Variants in KCND2 observed in about 807,000 individuals in gnomAD.
The protein encoded by KCND2 is potassium voltage-gated channel subfamily D member 2, also known as A-type voltage-gated potassium channel KCND2.
KCND2 carries 16 observed loss-of-function variants against 54.4 expected under a neutral mutation model. That is an observed-to-expected ratio of 0.29 (90% confidence interval 0.20 to 0.45). KCND2 has a LOEUF of 0.45. Ranked by LOEUF, KCND2 falls within the 20% of genes least tolerant of loss-of-function variation. The probability of loss-of-function intolerance (pLI) is 1.00; values close to 1 mark genes in which losing one functional copy is unlikely to be tolerated. For synonymous variants in KCND2, 317 were observed against 310.7 expected, an observed-to-expected ratio of 1.02 and a Z score of -0.21; for missense variants, 486 against 824.2, an observed-to-expected ratio of 0.59 and a Z score of 5.02.
At chr7:120,684,202 T>C (rs1049231448) in intron 1 of KCND2, among the ~76,000 whole-genome samples, 37 of 152,158 alleles carry the variant, frequency 2.4e-4, no homozygotes, top group African/African-American at 8.2e-4. Flanking sequence ...AGTGTGGCGT[T>C]ATTCCTGGGG....
chr7:120,289,414 G>A (rs890143510), intron 1 of KCND2, among the ~76,000 whole-genome samples: 13 of 151,950 alleles, frequency 8.6e-5, no homozygotes, highest in Non-Finnish European at 1.6e-4. Flanking sequence ...ACAAAATCAA[G>A]CAAACACTTT....
chr7:120,319,299 G>A (rs758368620), intron 1 of KCND2, among the ~76,000 whole-genome samples: 9 of 151,876 alleles, frequency 5.9e-5, no homozygotes, highest in Non-Finnish European at 1.0e-4. Context: ...AGCTATGGAG[G>A]TACTTTTTAT....
Position 120,745,832 on chromosome 7 carries a change from C to CAAA in KCND2, c.1522_1523insAAA (p.Ala507_Thr508insLys), listed in dbSNP as rs774240428. On this transcript the variant is annotated inframe_insertion, in exon 5 of 6. Transcript: ENST00000331113. ...TTTGAAGAAAGCTGCATGGAAGTTG[C>CAAA]AACTGTTAATCGTCCTTCAAGTCAC... 1.4e-5 allele frequency: 23 copies of CAAA among 1,613,538 alleles called. No homozygotes were observed. In the African/African-American group the frequency reaches 2.4e-4, roughly 17 times the overall value.
At chr7:120,663,959 A>G (rs1445311689) in intron 1 of KCND2, among the ~76,000 whole-genome samples, 1 of 150,342 alleles carries the variant, frequency 6.7e-6, no homozygotes, top group East Asian at 1.9e-4. Flanking sequence ...ATAGGAGAAA[A>G]GAGGTCTAAG....
intron 1 of KCND2, among the ~76,000 whole-genome samples, chr7:120,565,815 G>A (rs1792289613): frequency 6.6e-6 from 1 of 152,110 alleles, no homozygotes. Context: ...TCTAGACTTG[G>A]GAAATACAAG....
rs560208029 is a variant in KCND2, at chr7:120,473,928, A to G, written c.1115+198181A>G. On this transcript the variant is annotated intron_variant, in intron 1 of 5. Transcript: ENST00000331113. ...GAGTCATGGGAGGAATCAGCAACTTAGGACTTCAGGGTAGTGTTCTTTATC... is the reference window on the plus strand; with the variant it reads ...GAGTCATGGGAGGAATCAGCAACTTGGGACTTCAGGGTAGTGTTCTTTATC... Among the ~76,000 whole-genome samples the G allele has an allele frequency of 2.8e-4, 43 of 152,294 alleles. 1 individual carries two copies. The South Asian group carries it at 8.7e-3, about 31-fold the overall frequency.
intron 1 of KCND2, among the ~76,000 whole-genome samples, chr7:120,304,469 C>T (rs973550111): frequency 2.6e-5 from 4 of 152,134 alleles, no homozygotes; most frequent in East Asian, 1.9e-4. Context: ...GCCTCCATGC[C>T]GGCAGCATTG....
At chr7:120,538,963 G>A (rs540034536) in intron 1 of KCND2, among the ~76,000 whole-genome samples, 1 of 152,212 alleles carries the variant, frequency 6.6e-6, no homozygotes, top group East Asian at 1.9e-4. Flanking sequence ...AGAAAATGGT[G>A]CTCATTAGTC....
intron 1 of KCND2, among the ~76,000 whole-genome samples, chr7:120,440,493 T>C (rs1206648402): frequency 6.6e-6 from 1 of 152,136 alleles, no homozygotes; most frequent in Non-Finnish European, 1.5e-5. Context: ...TTTAGTTTGG[T>C]GTAATCCCAT....
At chr7:120,390,875 A>G (rs566557557) in intron 1 of KCND2, among the ~76,000 whole-genome samples, 1 of 152,126 alleles carries the variant, frequency 6.6e-6, no homozygotes, top group Admixed American at 6.6e-5. Context: ...GTTATGGCAA[A>G]CAGAAAGTTT....
intron 1 of KCND2, among the ~76,000 whole-genome samples, chr7:120,576,599 C>A (rs183775397): frequency 3.0e-4 from 46 of 152,184 alleles, no homozygotes; most frequent in African/African-American, 1.0e-3. Context: ...AAAAATCTCA[C>A]ACTAACCAAA....
Position 120,585,330 on chromosome 7 carries a change from A to T in KCND2, c.1116-147573A>T, listed in dbSNP as rs1057342836. 2.0e-5 allele frequency among the ~76,000 whole-genome samples: 3 copies of T among 152,136 alleles called. No individual in the cohort carries two copies. In the East Asian group the frequency reaches 5.8e-4, roughly 29 times the overall value. On this transcript the variant is annotated intron_variant, in intron 1 of 5. Transcript: ENST00000331113. ...AAGGGGATGGGGGGTGGAGTGTGGG[A>T]CAGGAGATAGTGAAGGTAAAGAAAG...
rs146985362 is a variant in KCND2 at position 120,381,611 on chromosome 7, G to A, written c.1115+105864G>A. ...AATTAATGGGGTAGAGTAATACATAGAACTGTCATTTGTAATTTCAGTTAT... is the reference window on the plus strand; with the variant it reads ...AATTAATGGGGTAGAGTAATACATAAAACTGTCATTTGTAATTTCAGTTAT... On this transcript the variant is annotated intron_variant, in intron 1 of 5. Transcript: ENST00000331113. Among the ~76,000 whole-genome samples the A allele has an allele frequency of 1.3e-3, 198 of 152,132 alleles. 1 individual carries two copies. The highest frequency in any genetic ancestry group is 4.7e-3 in the African/African-American group (195 of 41,540).
intron 1 of KCND2, among the ~76,000 whole-genome samples, chr7:120,654,997 T>C (rs571208007): frequency 6.6e-6 from 1 of 152,026 alleles, no homozygotes; most frequent in Non-Finnish European, 1.5e-5. Flanking sequence ...GTATTACCTA[T>C]TCAAAAATGC....
intron 2 of KCND2, among the ~76,000 whole-genome samples, chr7:120,735,496 G>A (rs1349246601): frequency 6.6e-6 from 1 of 151,940 alleles, no homozygotes; most frequent in East Asian, 1.9e-4. Flanking sequence ...CTAAATTTCC[G>A]ATAAACCAAT....
intron 1 of KCND2, among the ~76,000 whole-genome samples, chr7:120,595,497 A>ATG (rs71170206): frequency 8.6e-4 from 116 of 134,366 alleles, no homozygotes; most frequent in Admixed American, 1.5e-3. Context: ...ATATATATAT[A>ATG]TGTGTGTGTG....
intron 1 of KCND2, among the ~76,000 whole-genome samples, chr7:120,297,804 TTA>T (rs1311298684): frequency 1.3e-5 from 2 of 152,152 alleles, no homozygotes; most frequent in African/African-American, 2.4e-5. Context: ...GTTTTGGATT[TTA>T]TGTTTGTTCT....
intron 1 of KCND2, among the ~76,000 whole-genome samples, chr7:120,636,726 A>T (rs1463781139): frequency 1.3e-5 from 2 of 152,132 alleles, no homozygotes; most frequent in Non-Finnish European, 2.9e-5. Context: ...CTGTCTGTAA[A>T]GATCTGTGAA....
intron 1 of KCND2, among the ~76,000 whole-genome samples, chr7:120,442,512 C>CAGA (rs1186053923): frequency 6.6e-6 from 1 of 151,152 alleles, no homozygotes; most frequent in African/African-American, 2.4e-5. Flanking sequence ...TAAGTGGTGA[C>CAGA]CTAAAAGTCA....
Sources: gnomAD v4.1 joint callset for allele counts (sites outside exome capture counted in the v4.1 genomes callset) on GRCh38, gnomAD v4.1.1 for gene constraint, MANE v1.5 for transcripts, NCBI Gene and HGNC (gene_info 2026-07-23, HGNC 2026-07-21) for gene names.